ZFHX3: variants seen among roughly 807,000 people sequenced by gnomAD.
ZFHX3 encodes zinc finger homeobox 3.
ZFHX3 carries 42 observed loss-of-function variants against 279.1 expected under a neutral mutation model. The ratio of observed to expected loss-of-function variants is 0.15; its 90% CI spans 0.12 to 0.19. ZFHX3 has a LOEUF of 0.19. ZFHX3 is among the 10% of genes least tolerant of loss of function. The pLI is 1.00. For synonymous variants in ZFHX3, 2,293 were observed against 1,957.8 expected (o/e 1.17, Z -4.52); for missense variants, 4,981 against 4,754.0 (o/e 1.05, Z -1.40).
chr16:73,682,563 A>G (rs1209906739), intron 1 of ZFHX3, among the ~76,000 whole-genome samples: 8 of 151,966 alleles, frequency 5.3e-5, no homozygotes, highest in Non-Finnish European at 1.0e-4. Flanking sequence ...AGGTGGGTGG[A>G]TCACCTGAGG....
At chr16:73,134,179 C>T (rs927350890) in intron 6 of ZFHX3, among the ~76,000 whole-genome samples, 1 of 152,028 alleles carries the variant, frequency 6.6e-6, no homozygotes, top group African/African-American at 2.4e-5. Context: ...ACGATTTGAA[C>T]CCAGCAAGTC....
At chr16:73,324,996 A>T (rs898758741) in intron 3 of ZFHX3, among the ~76,000 whole-genome samples, 1 of 152,166 alleles carries the variant, frequency 6.6e-6, no homozygotes, top group African/African-American at 2.4e-5. Context: ...AATAATAAAA[A>T]ACCTTATATT....
chr16:73,114,145 G>A (rs370398835), intron 7 of ZFHX3, among the ~76,000 whole-genome samples: 1 of 151,092 alleles, frequency 6.6e-6, no homozygotes, highest in Non-Finnish European at 1.5e-5. Flanking sequence ...GGCTGGTCTC[G>A]AACTCCTGGG....
intron 1 of ZFHX3, among the ~76,000 whole-genome samples, chr16:73,842,465 T>G (rs920623942): frequency 3.9e-5 from 6 of 152,006 alleles, no homozygotes; most frequent in Admixed American, 6.6e-5. Context: ...ACCTAGAGGC[T>G]TGGTGGGCTT....
chr16:73,411,776 AT>A (rs982437901), intron 3 of ZFHX3, among the ~76,000 whole-genome samples: 1 of 152,194 alleles, frequency 6.6e-6, no homozygotes, highest in African/African-American at 2.4e-5. Context: ...TTTATGGGAC[AT>A]GTACCCTGCA....
intron 2 of ZFHX3, among the ~76,000 whole-genome samples, chr16:73,673,779 G>C (rs189318471): frequency 6.6e-6 from 1 of 152,270 alleles, no homozygotes; most frequent in Admixed American, 6.5e-5. Flanking sequence ...ACCTGAGTTT[G>C]TTATGTATTC....
intron 5 of ZFHX3, among the ~76,000 whole-genome samples, chr16:73,236,244 T>C (rs537571003): frequency 6.6e-6 from 1 of 152,382 alleles, no homozygotes; most frequent in East Asian, 1.9e-4. Context: ...CAGTGTGGCC[T>C]GCATGCCCTG....
chr16:73,466,914 A>G (rs113939206), intron 2 of ZFHX3, among the ~76,000 whole-genome samples: 4 of 152,252 alleles, frequency 2.6e-5, no homozygotes, highest in African/African-American at 9.6e-5. Context: ...AAGAAAGATG[A>G]CACAGAGCAA....
intron 7 of ZFHX3, among the ~76,000 whole-genome samples, chr16:73,128,276 C>T (rs7186327): frequency 6.6e-6 from 1 of 152,092 alleles, no homozygotes; most frequent in African/African-American, 2.4e-5. Context: ...TATTTATATA[C>T]AGCACATGAA....
intron 3 of ZFHX3, among the ~76,000 whole-genome samples, chr16:73,426,915 G>T (rs554757296): frequency 6.6e-6 from 1 of 152,128 alleles, no homozygotes; most frequent in Admixed American, 6.5e-5. Context: ...AGATGTCAAC[G>T]TGTTGATTAT....
chr16:73,324,105 T>C (rs1275795532), intron 3 of ZFHX3, among the ~76,000 whole-genome samples: 2 of 152,212 alleles, frequency 1.3e-5, no homozygotes, highest in African/African-American at 4.8e-5. Flanking sequence ...GAGCTGGGCA[T>C]GTAGCCAAGT....
chr16:72,849,475 A>T (rs1217510447), intron 4 of ZFHX3, among the ~76,000 whole-genome samples: 1 of 152,000 alleles, frequency 6.6e-6, no homozygotes, highest in East Asian at 1.9e-4. Flanking sequence ...TCCTGCCAAG[A>T]TGGTGCCCAC....
intron 2 of ZFHX3, among the ~76,000 whole-genome samples, chr16:73,478,548 A>G (rs918911806): frequency 2.6e-5 from 4 of 152,186 alleles, no homozygotes; most frequent in African/African-American, 9.7e-5. Context: ...TTGGTACCCT[A>G]TATATTAAGA....
At chr16:73,054,701 T>G (rs527873480) in intron 1 of ZFHX3, among the ~76,000 whole-genome samples, 6 of 151,946 alleles carry the variant, frequency 3.9e-5, no homozygotes, top group African/African-American at 1.5e-4. Context: ...GGGGAGGGAA[T>G]AGATGTCTGC....
At chr16:73,273,416 G>T (rs936866452) in intron 4 of ZFHX3, among the ~76,000 whole-genome samples, 1 of 152,158 alleles carries the variant, frequency 6.6e-6, no homozygotes, top group African/African-American at 2.4e-5. Flanking sequence ...CATAAAATGA[G>T]TTCTGACTCC....
intron 5 of ZFHX3, among the ~76,000 whole-genome samples, chr16:73,194,047 C>T (rs1360962811): frequency 6.6e-6 from 1 of 152,170 alleles, no homozygotes; most frequent in Non-Finnish European, 1.5e-5. Flanking sequence ...GCTTGTATGA[C>T]AAATGTTATG....
chr16:73,511,147 C>T (rs937096849), intron 2 of ZFHX3, among the ~76,000 whole-genome samples: 2 of 152,208 alleles, frequency 1.3e-5, no homozygotes, highest in African/African-American at 4.8e-5. Flanking sequence ...AAAATTGCTT[C>T]TACCTTTTAT....
chr16:73,887,327 G>C (rs2030378947), intron 1 of ZFHX3, among the ~76,000 whole-genome samples: 1 of 151,994 alleles, frequency 6.6e-6, no homozygotes, highest in Non-Finnish European at 1.5e-5. Context: ...TAATAGTATG[G>C]TGACCATTCT....
chr16:73,472,287 A>C (rs575405188), intron 2 of ZFHX3, among the ~76,000 whole-genome samples: 76 of 151,010 alleles, frequency 5.0e-4, no homozygotes, highest in Non-Finnish European at 8.0e-4. Flanking sequence ...AAAAAAAAAA[A>C]CAGCATATCT....
Sources: gnomAD v4.1 joint callset for allele counts (sites outside exome capture counted in the v4.1 genomes callset) on GRCh38, gnomAD v4.1.1 for gene constraint, MANE v1.5 for transcripts, NCBI Gene and HGNC (gene_info 2026-07-23, HGNC 2026-07-21) for gene names.